Variants in CCNYL1 observed in about 807,000 individuals in gnomAD.
The protein encoded by CCNYL1 is cyclin-Y-like protein 1.
A neutral mutation model predicts 44.2 loss-of-function variants in CCNYL1; 16 were observed. That is an observed-to-expected ratio of 0.36 (90% CI 0.25 to 0.55). The LOEUF is 0.55. CCNYL1 is among the 20% of genes least tolerant of loss of function. The pLI is 0.85. For missense variants in CCNYL1, 348 were observed against 451.8 expected (o/e 0.77, Z 2.08); for synonymous variants, 159 against 163.2 (o/e 0.97, Z 0.20).
chr2:207,719,224 T>TA (rs1434759756), intron 1 of CCNYL1, among the ~76,000 whole-genome samples: 3 of 152,136 alleles, frequency 2.0e-5, no homozygotes, highest in African/African-American at 7.2e-5. Flanking sequence ...CAATAAATGC[T>TA]AACTGTTCAC....
intron 5 of CCNYL1, among the ~76,000 whole-genome samples, chr2:207,739,011 T>G (rs1296722381): frequency 6.6e-6 from 1 of 151,498 alleles, no homozygotes; most frequent in East Asian, 2.0e-4. Flanking sequence ...TGAGCCACCA[T>G]ACCCAGCCTG....
chr2:207,727,625 C>A (rs1476237274), intron 3 of CCNYL1, among the ~76,000 whole-genome samples: 1 of 152,136 alleles, frequency 6.6e-6, no homozygotes. Flanking sequence ...TTGCCACATG[C>A]CTATCAAAAA....
intron 2 of CCNYL1, among the ~76,000 whole-genome samples, chr2:207,726,563 C>A (rs1214688465): frequency 6.6e-6 from 1 of 152,208 alleles, no homozygotes; most frequent in Non-Finnish European, 1.5e-5. Context: ...CTAAATTTCT[C>A]ATTTAGCATA....
At chr2:207,747,811 G>A (rs573721038) in intron 8 of CCNYL1, among the ~76,000 whole-genome samples, 7 of 152,110 alleles carry the variant, frequency 4.6e-5, no homozygotes, top group Admixed American at 3.9e-4. Flanking sequence ...GCCCGCCTCC[G>A]TCTCCCAAAG....
chr2:207,751,254 T>G, intron 9 of CCNYL1, 135 bp downstream of exon 9: 1 of 700,050 alleles, frequency 1.4e-6, no homozygotes, highest in East Asian at 2.7e-5. Context: ...TTATTAGCCC[T>G]TTGGCGTCAG....
At chr2:207,719,770 C>T (rs1027616323) in intron 1 of CCNYL1, among the ~76,000 whole-genome samples, 6 of 151,788 alleles carry the variant, frequency 4.0e-5, no homozygotes, top group African/African-American at 1.5e-4. Context: ...TCTCTGTTGC[C>T]GAGGCTGGAG....
In CCNYL1 at chr2:207,742,302, G is replaced by T. The variant is rs935827252; in HGVS notation, c.599G>T (p.Ser200Ile). Reference protein sequence around the residue: ...FIYRFVRTLFSAAQLTAECAI... With the variant: ...FIYRFVRTLFIAAQLTAECAI... ...TACAGATTTGTTCGTACTCTTTTTA[G>T]TGCTGCACAGCTAACAGCTGAATGT... The change falls in exon 7 of 10, where the codon AGT (serine) becomes ATT (isoleucine). Residue 200 changes from serine to isoleucine, a missense_variant. Transcript: ENST00000295414. The T allele has an allele frequency of 1.6e-5, 26 of 1,613,284 alleles. No homozygotes were observed. The highest frequency in any genetic ancestry group is 2.1e-5 in the Non-Finnish European group (25 of 1,179,814).
At chr2:207,715,268 A>AAAAC (rs142737145) in intron 1 of CCNYL1, among the ~76,000 whole-genome samples, 3 of 151,364 alleles carry the variant, frequency 2.0e-5, no homozygotes, top group African/African-American at 7.3e-5. Context: ...ACTCTGTCTC[A>AAAAC]AAACAAACAA....
In CCNYL1 at chr2:207,722,961, GA is replaced by G. The variant is rs78215971; in HGVS notation, c.221-1826del. ...GCGAAAGAGTGAGACTCTTCTCTCG[GA>G]AAAAAAAAAAAAGGAGCTTTAGGTA... On this transcript the variant is annotated intron_variant, in intron 1 of 9. Transcript: ENST00000295414. Among the ~76,000 whole-genome samples the G allele has an allele frequency of 1.1e-3, 150 of 139,474 alleles. 1 individual carries two copies. Among genetic ancestry groups the G allele is most frequent in the Admixed American group, 1.6e-3 (22 of 13,888 alleles). The allele number at this position is 139,474 out of a possible 152,430, so 91.5% of individuals were successfully genotyped here. A position where few individuals can be genotyped will look rare whatever the true frequency, so the allele number is the denominator to read the frequency against.
intron 6 of CCNYL1, among the ~76,000 whole-genome samples, chr2:207,742,012 G>T (rs572986262): frequency 6.7e-6 from 1 of 149,032 alleles, no homozygotes; most frequent in Non-Finnish European, 1.5e-5. Flanking sequence ...CTAGCTGGGC[G>T]TGGTGGCGGG....
chr2:207,733,813 A>G, intron 3 of CCNYL1, 134 bp from the exon 4 acceptor site: 1 of 612,320 alleles, frequency 1.6e-6, no homozygotes, highest in Non-Finnish European at 3.0e-6. Context: ...TGCACATGAT[A>G]CTACACTCAG....
chr2:207,712,126 C>A lies in CCNYL1; in HGVS notation c.220+10C>A. 1 of 1,592,180 alleles carries A rather than the reference C, an allele frequency of 6.3e-7. No homozygotes were observed. Among genetic ancestry groups the A allele is most frequent in the Non-Finnish European group, 8.5e-7 (1 of 1,170,186 alleles). ...CGCGAGATGCCCGAAGGTAAGGAGGCGGCGGATGCCATCCGCCCTCGGGCT... is the reference window on the plus strand; with the variant it reads ...CGCGAGATGCCCGAAGGTAAGGAGGAGGCGGATGCCATCCGCCCTCGGGCT... On this transcript the variant is annotated intron_variant, in intron 1 of 9. Coordinates refer to ENST00000295414, the MANE Select transcript of CCNYL1 (RefSeq NM_001330218.2).
At chr2:207,714,455 CCTGG>C in intron 1 of CCNYL1, 1 of 368,982 alleles carries the variant, frequency 2.7e-6, no homozygotes, top group Non-Finnish European at 5.2e-6. Context: ...TGCCATCTTG[CCTGG>C]CTCCATCTTA....
Position 207,715,008 on chromosome 2 carries a change from G to C in CCNYL1, c.220+2892G>C, listed in dbSNP as rs1387575260. On this transcript the variant is annotated intron_variant, in intron 1 of 9. Coordinates refer to ENST00000295414, the MANE Select transcript of CCNYL1 (RefSeq NM_001330218.2). ...CATTTGGCTGGGCATGGTGGCTCAC[G>C]CCTGTAATCCCAGCACTTCGGGAGG... Among the ~76,000 whole-genome samples the C allele has an allele frequency of 2.0e-5, 3 of 152,176 alleles. 1 individual carries two copies. The highest frequency in any genetic ancestry group is 2.1e-4 in the South Asian group (1 of 4,832).
At chr2:207,714,577 G>A in intron 1 of CCNYL1, 1 of 252,878 alleles carries the variant, frequency 4.0e-6, no homozygotes, top group South Asian at 4.0e-5. Flanking sequence ...GTTTGTTCTG[G>A]TAACTGTGAA....
intron 1 of CCNYL1, among the ~76,000 whole-genome samples, chr2:207,712,964 C>T (rs909522132): frequency 6.6e-6 from 1 of 151,954 alleles, no homozygotes; most frequent in Non-Finnish European, 1.5e-5. Context: ...TACAGGCGTG[C>T]GCCACCACGC....
intron 7 of CCNYL1, among the ~76,000 whole-genome samples, chr2:207,743,622 T>TA (rs2091829221): frequency 6.6e-6 from 1 of 152,046 alleles, no homozygotes; most frequent in South Asian, 2.1e-4. Flanking sequence ...GATAGATCTC[T>TA]AAAGACTGTT....
intron 9 of CCNYL1, among the ~76,000 whole-genome samples, chr2:207,751,643 T>A (rs547637096): frequency 6.6e-6 from 1 of 152,070 alleles, no homozygotes; most frequent in African/African-American, 2.4e-5. Flanking sequence ...TCACCTGAGG[T>A]TGGGAGTTCA....
chr2:207,735,374 T>C (rs2091757351), intron 4 of CCNYL1, among the ~76,000 whole-genome samples: 1 of 152,238 alleles, frequency 6.6e-6, no homozygotes, highest in Admixed American at 6.5e-5. Flanking sequence ...TTTTTCAAAA[T>C]ATATGTCCAC....
Sources: allele counts gnomAD v4.1 joint callset (sites outside exome capture counted in the v4.1 genomes callset), GRCh38; gene constraint gnomAD v4.1.1; transcripts MANE v1.5; gene names NCBI Gene and HGNC (gene_info 2026-07-23, HGNC 2026-07-21).